Variants in HS3ST4 observed in about 807,000 individuals in gnomAD.
HS3ST4 encodes heparan sulfate-glucosamine 3-sulfotransferase 4, also known as heparan sulfate glucosamine 3-O-sulfotransferase 4.
A neutral mutation model predicts 29.2 loss-of-function variants in HS3ST4; 17 were observed. That is an observed-to-expected ratio of 0.58 (90% CI 0.40 to 0.87). HS3ST4 has a LOEUF of 0.87. Among genes scored for constraint, HS3ST4 ranks in the 40% least tolerant of loss-of-function variants. HS3ST4 has a pLI of 0.00. For missense variants in HS3ST4, 627 were observed against 634.5 expected (o/e 0.99, Z 0.13); for synonymous variants, 314 against 285.7 (o/e 1.10, Z -1.00).
Position 26,008,797 on chromosome 16 carries a change from C to T in HS3ST4, c.735-126815C>T, listed in dbSNP as rs139212901. Among the ~76,000 whole-genome samples the T allele has an allele frequency of 9.5e-4, 144 of 152,230 alleles. 3 individuals are homozygous for T. In the East Asian group the frequency reaches 0.02, roughly 21 times the overall value. ...TCACATCACTACACTCCAGCCTGGG[C>T]GATAGAGTGAGACCATGTCTCTAGA... On this transcript the variant is annotated intron_variant, in intron 1 of 1. Coordinates refer to ENST00000331351, the MANE Select transcript of HS3ST4 (RefSeq NM_006040.3).
At chr16:25,712,259 C>T (rs1417204679) in intron 1 of HS3ST4, among the ~76,000 whole-genome samples, 3 of 152,140 alleles carry the variant, frequency 2.0e-5, no homozygotes, top group Non-Finnish European at 4.4e-5. Context: ...CGGTGGCTCA[C>T]CTCTATACTC....
In HS3ST4 at chr16:26,135,943, A is replaced by G; in HGVS notation, c.1066A>G (p.Ser356Gly). Residue 356 changes from serine (S) to glycine (G), a missense_variant, in exon 2 of 2, where the codon AGT becomes GGT. Around this residue, in one of 2 missense-constraint regions of HS3ST4, gnomAD observed 225 missense variants for 293.7 expected, o/e 0.77. Coordinates refer to ENST00000331351, the MANE Select transcript of HS3ST4 (RefSeq NM_006040.3). ...YFPLSQILFV[S>G]GERLIVDPAG... Reference sequence around the variant, plus strand: ...CCCCCTCTCCCAGATCCTCTTTGTCAGTGGTGAGCGACTCATTGTGGACCC... The same window carrying G: ...CCCCCTCTCCCAGATCCTCTTTGTCGGTGGTGAGCGACTCATTGTGGACCC... The G allele has an allele frequency of 6.2e-7, 1 of 1,613,922 alleles. No homozygotes were observed. Among genetic ancestry groups the G allele is most frequent in the Non-Finnish European group, 8.5e-7 (1 of 1,179,854 alleles).
At chr16:25,934,124 CTGG>C (rs1233910214) in intron 1 of HS3ST4, among the ~76,000 whole-genome samples, 1 of 152,178 alleles carries the variant, frequency 6.6e-6, no homozygotes, top group Non-Finnish European at 1.5e-5. Context: ...TATGTTTTGA[CTGG>C]TTTGTAAGTG....
chr16:26,004,120 T>C (rs1277393541), intron 1 of HS3ST4, among the ~76,000 whole-genome samples: 1 of 152,172 alleles, frequency 6.6e-6, no homozygotes, highest in African/African-American at 2.4e-5. Context: ...TAAATGCACG[T>C]GTTCATGCCA....
At chr16:25,879,178 AT>A (rs1470640582) in intron 1 of HS3ST4, among the ~76,000 whole-genome samples, 1 of 152,174 alleles carries the variant, frequency 6.6e-6, no homozygotes, top group Non-Finnish European at 1.5e-5. Flanking sequence ...TGGATGAGCA[AT>A]GAACCCACAA....
chr16:26,032,697 G>T lies in HS3ST4; in HGVS notation c.735-102915G>T, dbSNP rs574893910. 4 of 1,291,668 alleles carry T rather than the reference G, an allele frequency of 3.1e-6. No homozygotes were observed. In the African/African-American group the frequency reaches 5.8e-5, roughly 19 times the overall value. 80.0% of individuals were successfully genotyped at this position (1,291,668 alleles called of 1,614,324 possible). A position where few individuals can be genotyped will look rare whatever the true frequency, so the allele number is the denominator to read the frequency against. On this transcript the variant is annotated intron_variant, in intron 1 of 1. Transcript: ENST00000331351. ...TTTGCAGGGGCCTTTTTAGTCTTGG[G>T]CTCTGGCTTTGGAGGAGCAGGTTTA...
intron 1 of HS3ST4, among the ~76,000 whole-genome samples, chr16:26,096,157 C>G (rs187121022): frequency 5.8e-4 from 89 of 152,262 alleles, no homozygotes; most frequent in Non-Finnish European, 8.1e-4. Context: ...CCGAATACTA[C>G]CAGAGGTACA....
chr16:25,761,745 A>T (rs943197872), intron 1 of HS3ST4, among the ~76,000 whole-genome samples: 2 of 152,178 alleles, frequency 1.3e-5, no homozygotes, highest in African/African-American at 4.8e-5. Context: ...TGACACCTCT[A>T]TTGTGCCCCA....
intron 1 of HS3ST4, among the ~76,000 whole-genome samples, chr16:26,094,894 G>C (rs1339080375): frequency 6.6e-6 from 1 of 151,952 alleles, no homozygotes; most frequent in African/African-American, 2.4e-5. Context: ...GATGCACATA[G>C]GCTCAAAATA....
At chr16:25,870,832 G>A (rs4787335) in intron 1 of HS3ST4, among the ~76,000 whole-genome samples, 91,444 of 151,804 alleles carry the variant, frequency 0.6, 28,275 homozygotes, top group Non-Finnish European at 0.67. Flanking sequence ...AGTGGTGTAG[G>A]TGGGAAGGAG....
chr16:26,074,052 T>C (rs561414227), intron 1 of HS3ST4, among the ~76,000 whole-genome samples: 3 of 152,196 alleles, frequency 2.0e-5, no homozygotes, highest in Admixed American at 6.5e-5. Flanking sequence ...TCTTACCGAA[T>C]GTGTTGGTAA....
chr16:25,798,813 C>T (rs1014257832), intron 1 of HS3ST4, among the ~76,000 whole-genome samples: 3 of 152,186 alleles, frequency 2.0e-5, no homozygotes, highest in Non-Finnish European at 4.4e-5. Context: ...CCCCTGGAGC[C>T]TGTAGTCCCA....
chr16:26,008,151 A>G (rs1038599200), intron 1 of HS3ST4, among the ~76,000 whole-genome samples: 4 of 152,202 alleles, frequency 2.6e-5, no homozygotes, highest in Non-Finnish European at 5.9e-5. Flanking sequence ...GAATCTTCAA[A>G]AGAGAGTGAA....
chr16:25,931,541 A>G (rs2141687771), intron 1 of HS3ST4, among the ~76,000 whole-genome samples: 1 of 152,344 alleles, frequency 6.6e-6, no homozygotes, highest in South Asian at 2.1e-4. Flanking sequence ...CCCGAAAGCA[A>G]AAGCACCTTC....
intron 1 of HS3ST4, among the ~76,000 whole-genome samples, chr16:25,818,513 A>G (rs1967118002): frequency 6.6e-6 from 1 of 152,212 alleles, no homozygotes; most frequent in Non-Finnish European, 1.5e-5. Flanking sequence ...GACTAAGTCT[A>G]AAGTGTCACT....
At chr16:25,764,970 G>A (rs899238136) in intron 1 of HS3ST4, among the ~76,000 whole-genome samples, 1 of 152,204 alleles carries the variant, frequency 6.6e-6, no homozygotes, top group Non-Finnish European at 1.5e-5. Context: ...TGGAAAAAAA[G>A]CTTAGACATA....
chr16:25,990,291 G>T (rs1214310441), intron 1 of HS3ST4, among the ~76,000 whole-genome samples: 1 of 152,172 alleles, frequency 6.6e-6, no homozygotes, highest in Admixed American at 6.5e-5. Flanking sequence ...TGATTGCTGG[G>T]TTATATGGTA....
chr16:25,692,836 T>G lies in HS3ST4; in HGVS notation c.419T>G (p.Leu140Arg). Residue 140 changes from leucine to arginine, a missense_variant, in exon 1 of 2, where the codon CTC (leucine) becomes CGC (arginine). By Grantham distance (102) the Leu-to-Arg change is moderately radical. This residue lies in a region of HS3ST4 where 402 missense variants were observed against 340.8 expected (regional missense o/e 1.18). Transcript: ENST00000331351. Reference sequence around the variant, plus strand: ...GGCGGAGGCGCCCAGGACGCCTGGCTCCGGACCCCGCTGGCCCCCAGCGAG... The same window carrying G: ...GGCGGAGGCGCCCAGGACGCCTGGCGCCGGACCCCGCTGGCCCCCAGCGAG... ...SGGGGAQDAW[L>R]RTPLAPSEMI... is the part of the protein sequence containing the mutation. 1.4e-6 allele frequency: 2 copies of G among 1,412,352 alleles called. No homozygotes were observed. The highest frequency in any genetic ancestry group is 3.1e-5 in the Admixed American group (1 of 32,220). 87.5% of individuals were successfully genotyped at this position (1,412,352 alleles called of 1,614,324 possible). A position where few individuals can be genotyped will look rare whatever the true frequency, so the allele number is the denominator to read the frequency against.
intron 1 of HS3ST4, among the ~76,000 whole-genome samples, chr16:25,927,234 GA>G (rs1196812898): frequency 6.6e-6 from 1 of 152,134 alleles, no homozygotes; most frequent in Admixed American, 6.5e-5. Context: ...AGCATTTGGG[GA>G]AAAAAATTGC....
Sources: allele counts gnomAD v4.1 joint callset (sites outside exome capture counted in the v4.1 genomes callset), GRCh38; gene constraint gnomAD v4.1.1; regional missense constraint gnomAD v4.1.1; transcripts MANE v1.5; gene names NCBI Gene and HGNC (gene_info 2026-07-23, HGNC 2026-07-21).